ARHGAP25: variants seen among roughly 807,000 people sequenced by gnomAD.
The protein encoded by ARHGAP25 is Rho GTPase activating protein 25.
A neutral mutation model predicts 71.0 loss-of-function variants in ARHGAP25; 34 were observed. That is an observed-to-expected ratio of 0.48 (90% confidence interval 0.36 to 0.64). The LOEUF is 0.64. Ranked by LOEUF, ARHGAP25 falls within the 30% of genes least tolerant of loss-of-function variation. The pLI, the probability that ARHGAP25 is intolerant of heterozygous loss-of-function variation, is 0.00. For synonymous variants in ARHGAP25, 282 were observed against 296.5 expected, an observed-to-expected ratio of 0.95 and a Z score of 0.50; for missense variants, 706 against 805.1, an observed-to-expected ratio of 0.88 and a Z score of 1.49.
intron 1 of ARHGAP25, among the ~76,000 whole-genome samples, chr2:68,744,871 T>C (rs1675726348): frequency 6.6e-6 from 1 of 152,196 alleles, no homozygotes; most frequent in East Asian, 1.9e-4. Flanking sequence ...CACAAAATTA[T>C]CCCAATCTCA....
At position 68,729,153 on chromosome 2, in the gene ARHGAP25, T is replaced by C. The variant is rs906951624; in HGVS notation, c.-18+18455T>C. 2.4e-4 allele frequency among the ~76,000 whole-genome samples: 36 copies of C among 152,218 alleles called. 1 individual carries two copies. Among genetic ancestry groups the C allele is most frequent in the Non-Finnish European group, 1.5e-5 (1 of 68,044 alleles). On this transcript the variant is annotated intron_variant and NMD_transcript_variant, in intron 2 of 7. Coordinates refer to the ARHGAP25 transcript ENST00000463483. ...GGTATGGAGTTTCTTTTGTGGAAGA[T>C]GAAAGTGTTCTACAGTTGATTGTGG...
intron 10 of ARHGAP25, among the ~76,000 whole-genome samples, chr2:68,823,389 G>A (rs1365995610): frequency 6.6e-6 from 1 of 152,158 alleles, no homozygotes; most frequent in Non-Finnish European, 1.5e-5. Context: ...AAATAAAGTG[G>A]GTCAGGAGGT....
intron 5 of ARHGAP25, among the ~76,000 whole-genome samples, chr2:68,811,694 T>C (rs1192597373): frequency 6.6e-6 from 1 of 152,122 alleles, no homozygotes. Context: ...AAAACCAAAG[T>C]AAAATGCACA....
intron 4 of ARHGAP25, among the ~76,000 whole-genome samples, chr2:68,798,392 C>T (rs1679726711): frequency 6.6e-6 from 1 of 152,248 alleles, no homozygotes; most frequent in South Asian, 2.1e-4. Flanking sequence ...GCCCTCAGCT[C>T]CTAACAACAG....
Position 68,813,272 on chromosome 2 carries a change from C to T in ARHGAP25, c.675-15C>T. ...TTTCAAAGAGTTTCACAGAGCGTTG[C>T]TTATTTTCTTCCAGAGACACAGATG... On this transcript the variant is annotated splice_polypyrimidine_tract_variant and intron_variant, in intron 5 of 10. Transcript: ENST00000409202. 1 of 1,600,700 alleles carries T rather than the reference C, an allele frequency of 6.2e-7. No homozygotes were observed. Among genetic ancestry groups the T allele is most frequent in the Non-Finnish European group, 8.5e-7 (1 of 1,175,788 alleles).
intron 5 of ARHGAP25, among the ~76,000 whole-genome samples, chr2:68,809,044 G>A (rs1558654114): frequency 6.6e-6 from 1 of 152,096 alleles, no homozygotes; most frequent in Admixed American, 6.5e-5. Flanking sequence ...GCAACTCTTA[G>A]GTCCACATAA....
At chr2:68,745,222 A>G (rs554982369) in intron 1 of ARHGAP25, among the ~76,000 whole-genome samples, 1 of 152,266 alleles carries the variant, frequency 6.6e-6, no homozygotes, top group South Asian at 2.1e-4. Context: ...GCTGTTAGGT[A>G]ATACTTCCTC....
At chr2:68,782,467 C>T in intron 3 of ARHGAP25, 147 bp downstream of exon 3, 2 of 667,694 alleles carry the variant, frequency 3.0e-6, no homozygotes. Context: ...GTTCTTTATA[C>T]AGTTAATGAA....
At chr2:68,718,044 G>T (rs1326788453) in intron 2 of ARHGAP25, among the ~76,000 whole-genome samples, 1 of 151,912 alleles carries the variant, frequency 6.6e-6, no homozygotes, top group Non-Finnish European at 1.5e-5. Context: ...AGAAGTAAAT[G>T]GTGTACTACC....
intron 4 of ARHGAP25, among the ~76,000 whole-genome samples, chr2:68,793,781 T>C (rs1469027769): frequency 1.3e-5 from 2 of 152,128 alleles, no homozygotes; most frequent in Admixed American, 6.5e-5. Context: ...TAAATATAAA[T>C]TTTAGGTTTT....
chr2:68,810,135 A>G (rs1419721294), intron 5 of ARHGAP25, among the ~76,000 whole-genome samples: 3 of 152,008 alleles, frequency 2.0e-5, no homozygotes, highest in Non-Finnish European at 4.4e-5. Flanking sequence ...GATTAAAAAA[A>G]AAAAAAAAAA....
chr2:68,740,810 C>T (rs550412457), intron 1 of ARHGAP25, among the ~76,000 whole-genome samples: 6 of 152,316 alleles, frequency 3.9e-5, no homozygotes, highest in Non-Finnish European at 7.3e-5. Context: ...TATGTAACAC[C>T]AGCACTCTAG....
chr2:68,753,902 G>GT (rs1676327560), intron 1 of ARHGAP25, among the ~76,000 whole-genome samples: 1 of 137,854 alleles, frequency 7.3e-6, no homozygotes, highest in Non-Finnish European at 1.6e-5. Flanking sequence ...TCGGTAAGAT[G>GT]TATTTTTTTT....
intron 1 of ARHGAP25, among the ~76,000 whole-genome samples, chr2:68,755,651 CT>C (rs5831940): frequency 0.82 from 124,967 of 152,124 alleles, 51,490 homozygotes; most frequent in Non-Finnish European, 0.84. Flanking sequence ...TTTTTGCATG[CT>C]TTTTTCTTGA....
intron 1 of ARHGAP25, among the ~76,000 whole-genome samples, chr2:68,771,435 G>C (rs546033841): frequency 1.4e-4 from 22 of 152,284 alleles, no homozygotes; most frequent in African/African-American, 5.3e-4. Context: ...TCCATTAATA[G>C]TAACAGATCT....
chr2:68,824,738 T>C (rs1483394042), intron 10 of ARHGAP25, among the ~76,000 whole-genome samples: 4 of 149,282 alleles, frequency 2.7e-5, no homozygotes, highest in African/African-American at 9.8e-5. Flanking sequence ...CGAGACTCCG[T>C]CTCAAAAAAA....
intron 1 of ARHGAP25, among the ~76,000 whole-genome samples, chr2:68,747,660 G>A (rs945793018): frequency 2.6e-5 from 4 of 152,104 alleles, no homozygotes; most frequent in African/African-American, 9.7e-5. Context: ...CCCTCCCCCA[G>A]TGTGTCCAAC....
chr2:68,768,715 T>A (rs1467930750), intron 1 of ARHGAP25, among the ~76,000 whole-genome samples: 1 of 152,168 alleles, frequency 6.6e-6, no homozygotes, highest in African/African-American at 2.4e-5. Context: ...GCACCTCTTT[T>A]CTCCCCCTAG....
intron 4 of ARHGAP25, among the ~76,000 whole-genome samples, chr2:68,794,685 G>T (rs973873261): frequency 6.6e-6 from 1 of 152,036 alleles, no homozygotes; most frequent in Non-Finnish European, 1.5e-5. Flanking sequence ...TTTTGTTGAG[G>T]ATTTTTGAGT....
Sources: allele counts gnomAD v4.1 joint callset (sites outside exome capture counted in the v4.1 genomes callset), GRCh38; gene constraint gnomAD v4.1.1; transcripts MANE v1.5; gene names NCBI Gene and HGNC (gene_info 2026-07-23, HGNC 2026-07-21).